The following DLG2 variants were observed in gnomAD, a reference collection of about 807,000 sequenced individuals.
DLG2 encodes disks large homolog 2.
DLG2 carries 45 observed loss-of-function variants against 132.5 expected under a neutral mutation model. That is an observed-to-expected ratio of 0.34 (90% confidence interval 0.27 to 0.44). DLG2 has a LOEUF of 0.44. Among genes scored for constraint, DLG2 ranks in the 20% least tolerant of loss-of-function variants. The pLI, the probability that DLG2 is intolerant of heterozygous loss-of-function variation, is 1.00. For missense variants in DLG2, 1,045 were observed against 1,196.9 expected, an observed-to-expected ratio of 0.87 and a Z score of 1.87; for synonymous variants, 424 against 419.6, an observed-to-expected ratio of 1.01 and a Z score of -0.13.
intron 12 of DLG2, among the ~76,000 whole-genome samples, chr11:83,975,681 T>C (rs1263333929): frequency 6.6e-6 from 1 of 151,910 alleles, no homozygotes; most frequent in Non-Finnish European, 1.5e-5. Flanking sequence ...TAAATGAATA[T>C]GTGATAAAAT....
chr11:85,557,354 C>A (rs914195693), intron 3 of DLG2, among the ~76,000 whole-genome samples: 1 of 151,712 alleles, frequency 6.6e-6, no homozygotes, highest in Non-Finnish European at 1.5e-5. Context: ...CTGGAAAAAT[C>A]AATATTGTCA....
intron 18 of DLG2, among the ~76,000 whole-genome samples, chr11:83,719,461 G>A (rs1192975739): frequency 6.6e-6 from 1 of 152,178 alleles, no homozygotes; most frequent in Non-Finnish European, 1.5e-5. Flanking sequence ...AATCCTGCAG[G>A]CTGTACAAGA....
rs923597582 is a variant in DLG2, at chr11:85,233,033, A to AT, written c.186+52186dup. Among the ~76,000 whole-genome samples, 4 of 151,868 alleles carry AT rather than the reference A, an allele frequency of 2.6e-5. No individual in the cohort carries two copies. The East Asian group carries it at 7.7e-4, about 29-fold the overall frequency. On this transcript the variant is annotated intron_variant, in intron 4 of 27. Transcript: ENST00000376104. ...TGCGTTATGTTTAATTCTATTTTAAATTTTTTTACTTTTTGTACCTGTGAT... is the reference window on the plus strand; with the variant it reads ...TGCGTTATGTTTAATTCTATTTTAAATTTTTTTTACTTTTTGTACCTGTGAT...
chr11:83,837,349 T>C (rs2056470511), intron 16 of DLG2, among the ~76,000 whole-genome samples: 1 of 152,182 alleles, frequency 6.6e-6, no homozygotes, highest in Non-Finnish European at 1.5e-5. Context: ...CATCACCTCG[T>C]ACCCCCTTGT....
At chr11:85,570,476 G>A (rs2077783830) in intron 3 of DLG2, among the ~76,000 whole-genome samples, 1 of 152,186 alleles carries the variant, frequency 6.6e-6, no homozygotes, top group Admixed American at 6.6e-5. Context: ...AGACTCCCTT[G>A]TACTAATGAG....
At chr11:84,271,696 C>G (rs1416725478) in intron 7 of DLG2, among the ~76,000 whole-genome samples, 2 of 152,128 alleles carry the variant, frequency 1.3e-5, no homozygotes, top group Non-Finnish European at 2.9e-5. Context: ...GAGCTCAAGA[C>G]AAGACAACAA....
chr11:84,141,312 T>C (rs2094835151), intron 9 of DLG2, among the ~76,000 whole-genome samples: 1 of 151,396 alleles, frequency 6.6e-6, no homozygotes, highest in South Asian at 2.1e-4. Context: ...TAATATAGAA[T>C]ATAGAATGTA....
At chr11:83,719,592 A>C (rs2087781661) in intron 18 of DLG2, among the ~76,000 whole-genome samples, 1 of 152,176 alleles carries the variant, frequency 6.6e-6, no homozygotes, top group African/African-American at 2.4e-5. Context: ...AGGTGGAAGT[A>C]GGTTCCAGGC....
rs78617246 is a variant in DLG2, at chr11:84,318,256, A to C, written c.520-66965T>G. Among the ~76,000 whole-genome samples the C allele has an allele frequency of 9.8e-3, 1,500 of 152,346 alleles. 72 individuals carry two copies. The East Asian group carries it at 0.16, about 16-fold the overall frequency. ...TAGCATGCTTGCTGAATCCATACAT[A>C]GTATTTTCAGTGAAGTGAAAGGCTA... On this transcript the variant is annotated intron_variant, in intron 7 of 27. Coordinates refer to ENST00000376104, the MANE Select transcript of DLG2 (RefSeq NM_001142699.3).
At chr11:83,652,984 A>G (rs1206331065) in intron 18 of DLG2, among the ~76,000 whole-genome samples, 1 of 152,232 alleles carries the variant, frequency 6.6e-6, no homozygotes, top group East Asian at 1.9e-4. Flanking sequence ...TACATATGTG[A>G]AAACTAAGGC....
intron 4 of DLG2, among the ~76,000 whole-genome samples, chr11:85,279,186 G>A (rs532631707): frequency 6.6e-6 from 1 of 152,232 alleles, no homozygotes; most frequent in South Asian, 2.1e-4. Flanking sequence ...AAGTAAAAAG[G>A]ATAGGTTAAA....
chr11:84,812,262 T>C (rs1309368554), intron 6 of DLG2, among the ~76,000 whole-genome samples: 1 of 152,134 alleles, frequency 6.6e-6, no homozygotes, highest in African/African-American at 2.4e-5. Context: ...TCCAGATAAA[T>C]AAAATGTTAC....
intron 18 of DLG2, among the ~76,000 whole-genome samples, chr11:83,657,511 C>A (rs115792191): frequency 1.3e-5 from 2 of 148,480 alleles, no homozygotes; most frequent in Non-Finnish European, 3.0e-5. Flanking sequence ...ACCAGTAGTC[C>A]GTGCTTTTAT....
At chr11:85,093,310 T>C (rs200076636) in intron 6 of DLG2, among the ~76,000 whole-genome samples, 1 of 14,940 alleles carries the variant, frequency 6.7e-5, no homozygotes, top group African/African-American at 2.0e-3. Context: ...GGAGTTTTTG[T>C]TTTTTTTTTG....
intron 6 of DLG2, among the ~76,000 whole-genome samples, chr11:84,925,303 A>G (rs368140976): frequency 2.6e-5 from 4 of 152,306 alleles, no homozygotes; most frequent in African/African-American, 9.6e-5. Context: ...GAAGAAGTAC[A>G]TGTAGGTTTC....
At chr11:83,950,918 C>A (rs961827374) in intron 14 of DLG2, among the ~76,000 whole-genome samples, 1 of 151,938 alleles carries the variant, frequency 6.6e-6, no homozygotes, top group African/African-American at 2.4e-5. Context: ...ATTTGCCTGC[C>A]CCCCCCTCCA....
At chr11:83,827,554 G>T (rs575219451) in intron 17 of DLG2, among the ~76,000 whole-genome samples, 1 of 152,078 alleles carries the variant, frequency 6.6e-6, no homozygotes, top group Non-Finnish European at 1.5e-5. Flanking sequence ...TCCCAATCAC[G>T]TATCTTGAAA....
At chr11:85,355,128 T>C (rs1423798539) in intron 3 of DLG2, among the ~76,000 whole-genome samples, 1 of 152,192 alleles carries the variant, frequency 6.6e-6, no homozygotes, top group African/African-American at 2.4e-5. Context: ...ATATACACAA[T>C]TTATACTAAA....
chr11:83,663,339 A>G (rs1282525420), intron 18 of DLG2, among the ~76,000 whole-genome samples: 3 of 152,166 alleles, frequency 2.0e-5, no homozygotes, highest in Admixed American at 2.0e-4. Context: ...CAGTGGGTAT[A>G]ATATACCACG....
Sources: gnomAD v4.1 joint callset for allele counts (sites outside exome capture counted in the v4.1 genomes callset) on GRCh38, gnomAD v4.1.1 for gene constraint, MANE v1.5 for transcripts, NCBI Gene and HGNC (gene_info 2026-07-23, HGNC 2026-07-21) for gene names.